Variants in SSBP2 observed in about 807,000 individuals in gnomAD.
SSBP2 encodes single-stranded DNA-binding protein 2.
Under a neutral mutation model 61.8 loss-of-function variants are expected in SSBP2, and 17 were observed. The observed-to-expected ratio is 0.28, with a 90% CI of 0.19 to 0.41. The LOEUF (loss-of-function observed/expected upper bound fraction) is 0.41. SSBP2 is among the 10% of genes least tolerant of loss of function. The pLI is 1.00. For missense variants in SSBP2, 310 were observed against 458.7 expected (o/e 0.68, Z 2.96); for synonymous variants, 139 against 141.3 (o/e 0.98, Z 0.12).
At chr5:81,526,510 T>G (rs1359642848) in intron 4 of SSBP2, among the ~76,000 whole-genome samples, 4 of 152,012 alleles carry the variant, frequency 2.6e-5, no homozygotes, top group Non-Finnish European at 5.9e-5. Context: ...TATGAAATAC[T>G]GAGTAATAAG....
At position 81,665,276 on chromosome 5, in the gene SSBP2, A is replaced by G. The variant is rs563247791; in HGVS notation, c.63-14937T>C. On this transcript the variant is annotated intron_variant, in intron 1 of 16. Coordinates refer to ENST00000320672, the MANE Select transcript of SSBP2 (RefSeq NM_012446.5). ...TAGTTTTCCTTGTAAGCAAGGCTAG[A>G]GAATAAATAATAAAATGAAGGTAGA... Among the ~76,000 whole-genome samples the G allele has an allele frequency of 7.1e-4, 108 of 152,202 alleles. 1 individual carries two copies. The highest frequency in any genetic ancestry group is 3.4e-3 in the Middle Eastern group (1 of 294).
chr5:81,610,681 C>T (rs1037268860), intron 4 of SSBP2, among the ~76,000 whole-genome samples: 12 of 152,162 alleles, frequency 7.9e-5, no homozygotes, highest in African/African-American at 2.7e-4. Context: ...AATCTATAGA[C>T]ATTTCATGAA....
intron 1 of SSBP2, among the ~76,000 whole-genome samples, chr5:81,676,195 A>G (rs1469364993): frequency 6.6e-6 from 1 of 152,142 alleles, no homozygotes; most frequent in Non-Finnish European, 1.5e-5. Flanking sequence ...CTGATATCCA[A>G]CCAGTCACTA....
chr5:81,483,052 G>A (rs1561453438), intron 6 of SSBP2, among the ~76,000 whole-genome samples: 1 of 152,186 alleles, frequency 6.6e-6, no homozygotes, highest in Non-Finnish European at 1.5e-5. Context: ...GGAGTGGCTG[G>A]TCGGTGGAGC....
intron 5 of SSBP2, among the ~76,000 whole-genome samples, chr5:81,511,912 C>T (rs896233778): frequency 1.3e-5 from 2 of 151,934 alleles, no homozygotes; most frequent in African/African-American, 4.8e-5. Context: ...TTACTCTTAC[C>T]GAGACTTTGA....
At chr5:81,749,403 T>G (rs1356211749) in intron 1 of SSBP2, among the ~76,000 whole-genome samples, 2 of 152,182 alleles carry the variant, frequency 1.3e-5, no homozygotes, top group African/African-American at 2.4e-5. Flanking sequence ...TTAGGAAATG[T>G]TCCCATCCCT....
At chr5:81,591,642 A>AC (rs1175356091) in intron 4 of SSBP2, among the ~76,000 whole-genome samples, 4 of 152,236 alleles carry the variant, frequency 2.6e-5, no homozygotes, top group African/African-American at 9.6e-5. Flanking sequence ...AATAAAGATG[A>AC]AGACTGTCTT....
intron 8 of SSBP2, among the ~76,000 whole-genome samples, chr5:81,471,968 T>C (rs1288792951): frequency 6.6e-6 from 1 of 152,112 alleles, no homozygotes; most frequent in Admixed American, 6.6e-5. Context: ...ACATATATTA[T>C]TGTATGTAGG....
chr5:81,721,473 G>A (rs888309034), intron 1 of SSBP2, among the ~76,000 whole-genome samples: 3 of 151,984 alleles, frequency 2.0e-5, no homozygotes, highest in African/African-American at 4.8e-5. Context: ...ACCAAAAACC[G>A]ACTAAGGTTA....
At chr5:81,748,343 T>C (rs1757488184) in intron 1 of SSBP2, among the ~76,000 whole-genome samples, 1 of 152,172 alleles carries the variant, frequency 6.6e-6, no homozygotes, top group African/African-American at 2.4e-5. Flanking sequence ...TCTGTTACCT[T>C]AAAAATTAAG....
chr5:81,504,942 T>C (rs892736104), intron 5 of SSBP2, among the ~76,000 whole-genome samples: 2 of 152,220 alleles, frequency 1.3e-5, no homozygotes, highest in African/African-American at 2.4e-5. Context: ...ACTAAAGGAT[T>C]TGTAGCCCCA....
chr5:81,733,352 C>T (rs1469948218), intron 1 of SSBP2, among the ~76,000 whole-genome samples: 3 of 151,850 alleles, frequency 2.0e-5, no homozygotes, highest in Non-Finnish European at 2.9e-5. Context: ...ATCTCTCTAA[C>T]TTTCAAACAA....
chr5:81,738,320 C>T (rs1007678159), intron 1 of SSBP2, among the ~76,000 whole-genome samples: 1 of 152,120 alleles, frequency 6.6e-6, no homozygotes, highest in African/African-American at 2.4e-5. Context: ...TTCAATAACG[C>T]TATTTTTTTA....
chr5:81,603,658 G>GC (rs1251611830), intron 4 of SSBP2, among the ~76,000 whole-genome samples: 1 of 152,090 alleles, frequency 6.6e-6, no homozygotes, highest in Non-Finnish European at 1.5e-5. Context: ...CTATTCTAAA[G>GC]TGACAGTAAT....
At chr5:81,718,488 C>T (rs1023615354) in intron 1 of SSBP2, among the ~76,000 whole-genome samples, 7 of 152,028 alleles carry the variant, frequency 4.6e-5, no homozygotes, top group African/African-American at 1.7e-4. Flanking sequence ...AACCTCCTAC[C>T]GGAAGCAGAG....
chr5:81,493,313 C>T (rs1475528332), intron 5 of SSBP2, among the ~76,000 whole-genome samples: 1 of 149,936 alleles, frequency 6.7e-6, no homozygotes, highest in Admixed American at 6.6e-5. Flanking sequence ...TTAACAGGGT[C>T]TTGCTCCATT....
chr5:81,511,150 AT>A (rs926019275), intron 5 of SSBP2, among the ~76,000 whole-genome samples: 3 of 152,056 alleles, frequency 2.0e-5, no homozygotes, highest in African/African-American at 7.2e-5. Context: ...TCATCCTTAA[AT>A]GCGAAATTGG....
At chr5:81,596,945 T>C (rs1049279496) in intron 4 of SSBP2, among the ~76,000 whole-genome samples, 206 of 150,850 alleles carry the variant, frequency 1.4e-3, no homozygotes, top group African/African-American at 4.9e-3. Context: ...ACTTCATGTC[T>C]AAAACACCAA....
intron 15 of SSBP2, among the ~76,000 whole-genome samples, chr5:81,432,743 G>A (rs1168078673): frequency 2.0e-5 from 3 of 151,458 alleles, no homozygotes; most frequent in Admixed American, 2.0e-4. Context: ...GAGACTCTGA[G>A]TCCGGGAGGG....
Sources: allele counts gnomAD v4.1 joint callset (sites outside exome capture counted in the v4.1 genomes callset), GRCh38; gene constraint gnomAD v4.1.1; transcripts MANE v1.5; gene names NCBI Gene and HGNC (gene_info 2026-07-23, HGNC 2026-07-21).